Variants in DNAH3 observed in about 807,000 individuals in gnomAD.
DNAH3 encodes the protein axonemal beta dynein heavy chain 3.
DNAH3 carries 332 observed loss-of-function variants against 432.5 expected under a neutral mutation model. The observed-to-expected ratio is 0.77, with a 90% CI of 0.70 to 0.84. The LOEUF is 0.84. Among genes scored for constraint, DNAH3 ranks in the 40% least tolerant of loss-of-function variants. The pLI is 0.00. For synonymous variants in DNAH3, 1,956 were observed against 1,900.2 expected (o/e 1.03, Z -0.76); for missense variants, 4,861 against 5,114.0 (o/e 0.95, Z 1.51).
chr16:21,021,938 C>G (rs764085541), intron 40 of DNAH3, 33 bp downstream of exon 40: 2 of 1,611,452 alleles, frequency 1.2e-6, no homozygotes, highest in Non-Finnish European at 1.7e-6. Flanking sequence ...GACCCACCCC[C>G]CATGTGGCTT....
intron 59 of DNAH3, among the ~76,000 whole-genome samples, chr16:20,938,134 G>A (rs937214135): frequency 1.3e-5 from 2 of 152,182 alleles, no homozygotes; most frequent in Non-Finnish European, 2.9e-5. Context: ...GCTCACGCCT[G>A]TAATCCCAGC....
chr16:21,048,632 GTCT>G (rs904559376), intron 31 of DNAH3, among the ~76,000 whole-genome samples: 2 of 151,898 alleles, frequency 1.3e-5, no homozygotes, highest in African/African-American at 4.8e-5. Flanking sequence ...GAAATCACCC[GTCT>G]TCTTCGTCGC....
chr16:21,081,010 T>G (rs890975772), intron 20 of DNAH3, among the ~76,000 whole-genome samples: 2 of 152,142 alleles, frequency 1.3e-5, no homozygotes, highest in African/African-American at 4.8e-5. Context: ...CTCCACCTCC[T>G]GGGTTCGAGC....
chr16:21,142,330 G>A (rs999735188), intron 3 of DNAH3, among the ~76,000 whole-genome samples: 7 of 152,096 alleles, frequency 4.6e-5, no homozygotes, highest in Admixed American at 2.0e-4. Context: ...TAGCACCATT[G>A]CACTCCAGCC....
chr16:21,102,160 G>A (rs1433547673), intron 16 of DNAH3, among the ~76,000 whole-genome samples: 4 of 152,170 alleles, frequency 2.6e-5, no homozygotes, highest in Non-Finnish European at 5.9e-5. Flanking sequence ...CTGCCCTGCT[G>A]AGCCTCTTCT....
chr16:21,105,631 T>C (rs1327506868), intron 15 of DNAH3, among the ~76,000 whole-genome samples: 1 of 152,028 alleles, frequency 6.6e-6, no homozygotes, highest in Non-Finnish European at 1.5e-5. Flanking sequence ...TTGGGCGTGG[T>C]GGCACGTGCC....
At chr16:21,095,918 C>A (rs1043631804) in intron 18 of DNAH3, among the ~76,000 whole-genome samples, 3 of 152,084 alleles carry the variant, frequency 2.0e-5, no homozygotes, top group Admixed American at 6.6e-5. Context: ...GTGCACACCA[C>A]CATGCCCAGC....
rs200195329 is a variant in DNAH3, at chr16:21,096,276, C to T, written c.2665+1079G>A. Among the ~76,000 whole-genome samples the T allele has an allele frequency of 5.9e-5, 9 of 151,830 alleles. No homozygotes were observed. In the East Asian group the frequency reaches 1.2e-3, roughly 20 times the overall value. On this transcript the variant is annotated intron_variant, in intron 18 of 61. Coordinates refer to ENST00000261383, the Ensembl canonical transcript of DNAH3. ...AGCTTCTCGAGTAGCTGAGACTACA[C>T]GTGCACCATCACACTTGGCTGATTT...
chr16:20,953,703 C>A (rs766036649), intron 55 of DNAH3, among the ~76,000 whole-genome samples: 7 of 151,762 alleles, frequency 4.6e-5, no homozygotes, highest in Non-Finnish European at 8.8e-5. Context: ...TCCCAAGTAG[C>A]TGGGACTACA....
intron 24 of DNAH3, among the ~76,000 whole-genome samples, chr16:21,064,117 C>T (rs1597284212): frequency 6.6e-6 from 1 of 152,290 alleles, no homozygotes; most frequent in Middle Eastern, 3.4e-3. Context: ...CTTGCTTTGG[C>T]TAATAGAATG....
At chr16:21,157,817 C>T (rs2092909179) in intron 1 of DNAH3, among the ~76,000 whole-genome samples, 1 of 151,564 alleles carries the variant, frequency 6.6e-6, no homozygotes, top group African/African-American at 2.4e-5. Context: ...CTTAGTCACA[C>T]AGTAAGTTGC....
Position 20,935,328 on chromosome 16 carries a change from C to T in DNAH3, c.11997+20G>A. ...TCTCTGGTCAGCCCCTTGAGTGAGC[C>T]TAACCCAAAGCACCCCTACCTCAAA... On this transcript the variant is annotated intron_variant, in intron 61 of 61. Coordinates refer to ENST00000261383, the Ensembl canonical transcript of DNAH3. 2 of 1,613,816 alleles carry T rather than the reference C, an allele frequency of 1.2e-6. No homozygotes were observed. The highest frequency in any genetic ancestry group is 1.3e-5 in the African/African-American group (1 of 74,994).
chr16:21,121,596 TTC>T lies in DNAH3; in HGVS notation c.1584+347_1584+348del, dbSNP rs1555566000. Among the ~76,000 whole-genome samples the T allele has an allele frequency of 2.5e-4, 38 of 151,892 alleles. 1 individual carries two copies. The South Asian group carries it at 5.0e-3, about 20-fold the overall frequency. ...TCACAAAGTAGGTCTTTTTTTTTTT[TTC>T]TTTTTTCTTTTTTTTTTTTTGGAGA... On this transcript the variant is annotated intron_variant, in intron 10 of 61. Transcript: ENST00000261383.
intron 56 of DNAH3, among the ~76,000 whole-genome samples, chr16:20,950,923 T>C (rs1289688539): frequency 6.6e-6 from 1 of 151,820 alleles, no homozygotes; most frequent in Admixed American, 6.6e-5. Flanking sequence ...CCTGTGCTCA[T>C]GCGATCCTCC....
At chr16:21,146,393 T>C (rs2092783969) in intron 1 of DNAH3, among the ~76,000 whole-genome samples, 1 of 152,094 alleles carries the variant, frequency 6.6e-6, no homozygotes, top group South Asian at 2.1e-4. Flanking sequence ...CTGTCTCTAC[T>C]AAAAATACAA....
chr16:21,031,010 A>T, intron 37 of DNAH3, 35 bp downstream of exon 37: 1 of 1,608,240 alleles, frequency 6.2e-7, no homozygotes, highest in Non-Finnish European at 8.5e-7. Flanking sequence ...TTTATGTCTC[A>T]CTCATGGAAA....
At chr16:20,971,111 G>A (rs1240497858) in intron 51 of DNAH3, among the ~76,000 whole-genome samples, 3 of 151,722 alleles carry the variant, frequency 2.0e-5, no homozygotes, top group East Asian at 3.9e-4. Context: ...CAAGTGATCC[G>A]CCCGCCTCGG....
chr16:21,132,304 A>G (rs1216209557), intron 7 of DNAH3, among the ~76,000 whole-genome samples: 1 of 152,192 alleles, frequency 6.6e-6, no homozygotes, highest in African/African-American at 2.4e-5. Flanking sequence ...AGCTACTAAT[A>G]AGTTCGGCCA....
Position 21,033,966 on chromosome 16 carries a change from A to C in DNAH3, c.5197+8T>G. ...GTCCTCCCTGGAAGCCAGGGATGTG[A>C]GCTTTACCTGCGTGTAAATCGCCGA... On this transcript the variant is annotated splice_region_variant and intron_variant, in intron 36 of 61. Transcript: ENST00000261383. The C allele has an allele frequency of 1.2e-6, 2 of 1,609,232 alleles. No individual in the cohort carries two copies. The highest frequency in any genetic ancestry group is 2.2e-5 in the South Asian group (2 of 90,880).
Sources: allele counts gnomAD v4.1 joint callset (sites outside exome capture counted in the v4.1 genomes callset), GRCh38; gene constraint gnomAD v4.1.1; transcripts MANE v1.5; gene names NCBI Gene and HGNC (gene_info 2026-07-23, HGNC 2026-07-21).